COL25A1: variants seen among roughly 807,000 people sequenced by gnomAD.
The protein encoded by COL25A1 is collagen alpha-1(XXV) chain.
COL25A1 carries 103 observed loss-of-function variants against 128.4 expected under a neutral mutation model. The observed-to-expected ratio is 0.80, with a 90% confidence interval of 0.68 to 0.94. The LOEUF is 0.94. Ranked by LOEUF, COL25A1 falls within the 40% of genes least tolerant of loss-of-function variation. COL25A1 has a pLI of 0.00. For synonymous variants in COL25A1, 279 were observed against 277.2 expected, an observed-to-expected ratio of 1.01 and a Z score of -0.06; for missense variants, 745 against 840.0, an observed-to-expected ratio of 0.89 and a Z score of 1.40.
At chr4:108,852,723 C>A (rs183618559) in intron 25 of COL25A1, among the ~76,000 whole-genome samples, 179 bp downstream of exon 25, 66 of 152,196 alleles carry the variant, frequency 4.3e-4, no homozygotes, top group Non-Finnish European at 7.4e-4. Flanking sequence ...TTTTTCTTGA[C>A]CTTTTCACTA....
At chr4:108,837,082 A>C (rs1221330388) in intron 31 of COL25A1, among the ~76,000 whole-genome samples, 2 of 152,212 alleles carry the variant, frequency 1.3e-5, no homozygotes, top group African/African-American at 2.4e-5. Flanking sequence ...CTGTCTCAAA[A>C]ATAAATAAAT....
chr4:109,281,084 A>AAGTT (rs1421571674), intron 3 of COL25A1, among the ~76,000 whole-genome samples: 3 of 152,202 alleles, frequency 2.0e-5, no homozygotes, highest in Admixed American at 2.0e-4. Context: ...ATAGGAAAAG[A>AAGTT]AGTTAATTAA....
intron 31 of COL25A1, among the ~76,000 whole-genome samples, chr4:108,833,670 A>G (rs991583635): frequency 1.3e-5 from 2 of 152,136 alleles, no homozygotes; most frequent in Non-Finnish European, 2.9e-5. Flanking sequence ...ATTCTGTGAG[A>G]GCTTTGTGAT....
intron 6 of COL25A1, among the ~76,000 whole-genome samples, chr4:109,006,907 G>A (rs79459692): frequency 0.14 from 21,401 of 152,008 alleles, 2,463 homozygotes; most frequent in African/African-American, 0.32. Flanking sequence ...GGGCACCTGT[G>A]GGGGCTTGGG....
intron 35 of COL25A1, chr4:108,823,892 C>T: frequency 2.2e-6 from 3 of 1,363,010 alleles, no homozygotes; most frequent in Non-Finnish European, 1.9e-6. Context: ...TTTCAAAAAT[C>T]CTTTATTTTT....
In COL25A1 at chr4:108,878,398, T is replaced by C. The variant is rs35303744; in HGVS notation, c.1020+5780A>G. On this transcript the variant is annotated intron_variant, in intron 19 of 37. Coordinates refer to ENST00000399132, the MANE Select transcript of COL25A1 (RefSeq NM_198721.4). ...GCCTGGGTGCCAAAAGCATCACCAA[T>C]AATCTTGATTAACGTGTCTTGACAC... Among the ~76,000 whole-genome samples, 352 of 152,100 alleles carry C rather than the reference T, an allele frequency of 2.3e-3. 2 individuals are homozygous for C. Among genetic ancestry groups the C allele is most frequent in the Middle Eastern group, 0.017 (5 of 294 alleles).
At chr4:108,933,015 G>A (rs1387660631) in intron 11 of COL25A1, among the ~76,000 whole-genome samples, 1 of 152,196 alleles carries the variant, frequency 6.6e-6, no homozygotes, top group African/African-American at 2.4e-5. Flanking sequence ...CAAAGGTCAT[G>A]TTTACAGAAT....
intron 13 of COL25A1, among the ~76,000 whole-genome samples, chr4:108,905,849 T>TG (rs1553964863): frequency 5.2e-4 from 51 of 97,584 alleles, no homozygotes; most frequent in African/African-American, 2.3e-3. Flanking sequence ...GAGCAGTATG[T>TG]CGGGGGGGGG....
At chr4:109,133,643 G>A (rs1395093111) in intron 3 of COL25A1, among the ~76,000 whole-genome samples, 1 of 152,082 alleles carries the variant, frequency 6.6e-6, no homozygotes, top group Admixed American at 6.5e-5. Context: ...TATAGCAGCA[G>A]GAATTTAAGA....
rs1189111395 is a variant in COL25A1 at position 108,811,277 on chromosome 4, C to A, written c.*2650G>T. 3.3e-5 allele frequency: 5 copies of A among 151,976 alleles called. No homozygotes were observed. 9.4% of individuals were successfully genotyped at this position (151,976 alleles called of 1,614,324 possible). On this transcript the variant is annotated 3_prime_UTR_variant, in exon 38 of 38. Coordinates refer to ENST00000399132, the MANE Select transcript of COL25A1 (RefSeq NM_198721.4). ...ACTGAACAAGGAGGAGTATTTCCAT[C>A]CCTTTGTTTTTCCCAAGGAAATAAA... is the stretch of plus-strand genomic sequence containing the variant.
chr4:108,827,984 C>T (rs1240725455), intron 32 of COL25A1, among the ~76,000 whole-genome samples: 1 of 152,112 alleles, frequency 6.6e-6, no homozygotes, highest in African/African-American at 2.4e-5. Context: ...AGAATATACA[C>T]AGGAGGGTTC....
At chr4:109,266,823 T>C (rs936338496) in intron 3 of COL25A1, among the ~76,000 whole-genome samples, 1 of 152,206 alleles carries the variant, frequency 6.6e-6, no homozygotes, top group African/African-American at 2.4e-5. Context: ...CCCATGACTT[T>C]TGTGCTGTTA....
At chr4:109,146,928 C>G (rs779432441) in intron 3 of COL25A1, among the ~76,000 whole-genome samples, 16 of 152,094 alleles carry the variant, frequency 1.1e-4, no homozygotes, top group Non-Finnish European at 1.9e-4. Flanking sequence ...TGTGTACACA[C>G]AGTGGAAATA....
At chr4:109,101,920 CATAA>C (rs760838770) in intron 3 of COL25A1, among the ~76,000 whole-genome samples, 10 of 152,138 alleles carry the variant, frequency 6.6e-5, no homozygotes, top group African/African-American at 2.4e-5. Context: ...AACCCCATTC[CATAA>C]ATAAATAGCC....
chr4:109,017,112 C>T (rs1370755313), intron 5 of COL25A1, among the ~76,000 whole-genome samples: 1 of 152,228 alleles, frequency 6.6e-6, no homozygotes, highest in Non-Finnish European at 1.5e-5. Flanking sequence ...CCACATTCCC[C>T]TTGTCCAGAC....
chr4:108,843,447 C>A (rs965828597), intron 30 of COL25A1, among the ~76,000 whole-genome samples: 3 of 152,122 alleles, frequency 2.0e-5, no homozygotes, highest in African/African-American at 7.2e-5. Context: ...TCTTATTCTG[C>A]CCCAGTCAAA....
intron 6 of COL25A1, among the ~76,000 whole-genome samples, chr4:109,000,446 A>G (rs1266848276): frequency 6.6e-6 from 1 of 152,114 alleles, no homozygotes; most frequent in African/African-American, 2.4e-5. Context: ...TTTTAATTGT[A>G]AAGTGTTATA....
At chr4:109,218,357 G>GTTTTTTGTTTGTTTGTTTGTTTTTTTTT (rs1778164499) in intron 3 of COL25A1, among the ~76,000 whole-genome samples, 7 of 73,530 alleles carry the variant, frequency 9.5e-5, no homozygotes, top group African/African-American at 3.9e-4. Context: ...GTTTTTTGGG[G>GTTTTTTGTTTGTTTGTTTGTTTTTTTTT]TTTTTTTTTT....
intron 19 of COL25A1, among the ~76,000 whole-genome samples, chr4:108,883,102 C>T (rs568061256): frequency 1.4e-4 from 22 of 152,170 alleles, no homozygotes; most frequent in Admixed American, 7.9e-4. Flanking sequence ...AGTATAGTGG[C>T]GTGATCTCGG....
Sources: allele counts gnomAD v4.1 joint callset (sites outside exome capture counted in the v4.1 genomes callset), GRCh38; gene constraint gnomAD v4.1.1; transcripts MANE v1.5; gene names NCBI Gene and HGNC (gene_info 2026-07-23, HGNC 2026-07-21).